ZNF407: variants seen among roughly 807,000 people sequenced by gnomAD.
ZNF407 encodes zinc finger protein 407.
ZNF407 carries 17 observed loss-of-function variants against 131.2 expected under a neutral mutation model. The ratio of observed to expected loss-of-function variants is 0.13; its 90% CI spans 0.09 to 0.19. The LOEUF (loss-of-function observed/expected upper bound fraction) is 0.19, where lower values mean the gene tolerates loss of function less well. Ranked by LOEUF, ZNF407 falls within the 10% of genes least tolerant of loss-of-function variation. The pLI is 1.00. For synonymous variants in ZNF407, 1,156 were observed against 1,062.0 expected, an observed-to-expected ratio of 1.09 and a Z score of -1.72; for missense variants, 2,681 against 2,830.6, an observed-to-expected ratio of 0.95 and a Z score of 1.20.
chr18:74,821,789 A>G (rs1022450695), intron 4 of ZNF407, among the ~76,000 whole-genome samples: 2 of 152,174 alleles, frequency 1.3e-5, no homozygotes, highest in African/African-American at 4.8e-5. Flanking sequence ...TATACCCAGT[A>G]ATGGGATTGC....
intron 7 of ZNF407, chr18:74,905,310 G>T (rs1340609058): frequency 2.6e-5 from 4 of 152,232 alleles, no homozygotes; most frequent in African/African-American, 9.6e-5. Flanking sequence ...CTATGATTGG[G>T]TCTGAAAGGC....
chr18:74,799,200 A>T (rs1244014980), intron 4 of ZNF407, among the ~76,000 whole-genome samples: 1 of 152,160 alleles, frequency 6.6e-6, no homozygotes, highest in Non-Finnish European at 1.5e-5. Context: ...GCAAAATTGT[A>T]ATTCATTTTA....
chr18:74,690,159 A>AT (rs1568168020), intron 3 of ZNF407, among the ~76,000 whole-genome samples: 1 of 152,226 alleles, frequency 6.6e-6, no homozygotes, highest in East Asian at 1.9e-4. Context: ...TCTCCTATAT[A>AT]TAATGGCACA....
chr18:74,815,148 G>A (rs1310108532), intron 4 of ZNF407, among the ~76,000 whole-genome samples: 1 of 151,750 alleles, frequency 6.6e-6, no homozygotes, highest in Non-Finnish European at 1.5e-5. Context: ...CAAAGAAAAT[G>A]GATTATAAAA....
At chr18:75,036,943 A>G (rs1163955848) in intron 8 of ZNF407, among the ~76,000 whole-genome samples, 1 of 152,210 alleles carries the variant, frequency 6.6e-6, no homozygotes, top group Non-Finnish European at 1.5e-5. Flanking sequence ...AGGAAGAGGG[A>G]AATTGCTTCT....
intron 3 of ZNF407, among the ~76,000 whole-genome samples, chr18:74,681,599 C>T (rs1599065588): frequency 6.6e-6 from 1 of 152,200 alleles, no homozygotes; most frequent in Middle Eastern, 3.4e-3. Context: ...GTGTTATAGA[C>T]CTTAGATTTG....
At chr18:74,905,406 G>C (rs1439133444) in intron 7 of ZNF407, 2 of 152,270 alleles carry the variant, frequency 1.3e-5, no homozygotes, top group Non-Finnish European at 2.9e-5. Flanking sequence ...AGCGCCTGCT[G>C]TTCAGGAGCG....
In ZNF407 at chr18:74,755,885, C is replaced by CTTTTTTT. The variant is rs34750560; in HGVS notation, c.4803-25523_4803-25517dup. 7.4e-4 allele frequency among the ~76,000 whole-genome samples: 19 copies of CTTTTTTT among 25,834 alleles called. 6 individuals carry two copies. The highest frequency in any genetic ancestry group is 3.2e-3 in the African/African-American group (16 of 5,002). 16.9% of individuals were successfully genotyped at this position (25,834 alleles called of 152,430 possible). A position where few individuals can be genotyped will look rare whatever the true frequency, so the allele number is the denominator to read the frequency against. ...CCTTCCTTCCTTCCTCTTTTCCTTC[C>CTTTTTTT]TTTTTTTTTTTTTTTTTTTTTTTTT... On this transcript the variant is annotated intron_variant, in intron 3 of 8. Coordinates refer to ENST00000299687, the MANE Select transcript of ZNF407 (RefSeq NM_017757.3).
At chr18:74,670,531 G>A (rs1986101264) in intron 3 of ZNF407, among the ~76,000 whole-genome samples, 2 of 152,118 alleles carry the variant, frequency 1.3e-5, no homozygotes, top group South Asian at 2.1e-4. Context: ...CTAAGTAGAT[G>A]TTTATATCTC....
At chr18:75,031,868 A>G (rs1047522804) in intron 8 of ZNF407, among the ~76,000 whole-genome samples, 1 of 152,228 alleles carries the variant, frequency 6.6e-6, no homozygotes, top group South Asian at 2.1e-4. Context: ...AGAGTGAGAA[A>G]GGTACTTGGC....
chr18:74,838,239 G>C (rs1326937534), intron 4 of ZNF407, among the ~76,000 whole-genome samples: 1 of 152,148 alleles, frequency 6.6e-6, no homozygotes, highest in Non-Finnish European at 1.5e-5. Flanking sequence ...TTAGATAGGT[G>C]CTTAGGGAGA....
chr18:75,023,779 A>G (rs1417357606), intron 8 of ZNF407, among the ~76,000 whole-genome samples: 1 of 152,230 alleles, frequency 6.6e-6, no homozygotes. Context: ...CCCACATTCA[A>G]TAGAACCTAC....
At chr18:74,653,211 T>C (rs927136040) in intron 3 of ZNF407, among the ~76,000 whole-genome samples, 1 of 151,898 alleles carries the variant, frequency 6.6e-6, no homozygotes, top group Non-Finnish European at 1.5e-5. Context: ...AATCAAAATA[T>C]CTAGTTGCTA....
chr18:74,946,408 A>C (rs59731767), intron 8 of ZNF407, among the ~76,000 whole-genome samples: 7,202 of 152,190 alleles, frequency 0.047, 581 homozygotes, highest in African/African-American at 0.16. Context: ...TTGTGCTTTG[A>C]GATACTCTGT....
intron 3 of ZNF407, among the ~76,000 whole-genome samples, chr18:74,664,456 C>T (rs969061105): frequency 2.0e-5 from 3 of 152,160 alleles, no homozygotes; most frequent in South Asian, 4.1e-4. Context: ...GATTGTGCCA[C>T]TGCACTCCAG....
intron 8 of ZNF407, among the ~76,000 whole-genome samples, chr18:74,926,563 G>T (rs1189869932): frequency 6.6e-6 from 1 of 152,180 alleles, no homozygotes; most frequent in South Asian, 2.1e-4. Flanking sequence ...CAGCACGTTG[G>T]CTGGCCAAGG....
chr18:74,908,074 T>G (rs922903751), intron 7 of ZNF407, among the ~76,000 whole-genome samples: 1 of 152,204 alleles, frequency 6.6e-6, no homozygotes, highest in African/African-American at 2.4e-5. Context: ...TTTAAAAAAA[T>G]TAATCAATGG....
intron 1 of ZNF407, among the ~76,000 whole-genome samples, chr18:74,608,173 C>A (rs1599124826): frequency 6.6e-6 from 1 of 152,154 alleles, no homozygotes; most frequent in Non-Finnish European, 1.5e-5. Flanking sequence ...TCTCATGTAT[C>A]CATAATACAA....
Position 74,632,962 on chromosome 18 carries a change from C to T in ZNF407, c.1943C>T (p.Thr648Ile). The change falls in exon 2 of 9, where the codon ACT (threonine) becomes ATT (isoleucine). Residue 648 changes from threonine (T) to isoleucine (I), a missense_variant. Transcript: ENST00000299687. ...ATTAATTCATTGGTTCAACCAAAGA[C>T]TTTGCAATCATCTAACAGTGATTTG... ...KHINSLVQPK[T>I]LQSSNSDLVL... 2 of 1,613,214 alleles carry T rather than the reference C, an allele frequency of 1.2e-6. No homozygotes were observed. Among genetic ancestry groups the T allele is most frequent in the Non-Finnish European group, 1.7e-6 (2 of 1,179,728 alleles).
Sources: gnomAD v4.1 joint callset for allele counts (sites outside exome capture counted in the v4.1 genomes callset) on GRCh38, gnomAD v4.1.1 for gene constraint, MANE v1.5 for transcripts, NCBI Gene and HGNC (gene_info 2026-07-23, HGNC 2026-07-21) for gene names.